Variants in DROSHA observed in about 807,000 individuals in gnomAD.
DROSHA encodes the protein ribonuclease 3.
DROSHA carries 56 observed loss-of-function variants against 181.9 expected under a neutral mutation model. The ratio of observed to expected loss-of-function variants is 0.31; its 90% CI spans 0.25 to 0.38. The LOEUF is 0.38. DROSHA is among the 10% of genes least tolerant of loss of function. DROSHA has a pLI of 1.00. For missense variants in DROSHA, 1,218 were observed against 1,743.5 expected (o/e 0.70, Z 5.37); for synonymous variants, 524 against 591.2 (o/e 0.89, Z 1.65).
chr5:31,483,424 C>T, intron 16 of DROSHA, 130 bp downstream of exon 16: 1 of 847,376 alleles, frequency 1.2e-6, no homozygotes, highest in Non-Finnish European at 1.9e-6. Context: ...CATTTCCGTG[C>T]CTAACCTGAG....
intron 11 of DROSHA, among the ~76,000 whole-genome samples, chr5:31,503,402 C>T (rs992142040): frequency 2.0e-5 from 3 of 152,198 alleles, no homozygotes; most frequent in African/African-American, 7.2e-5. Context: ...CCTACAGGTC[C>T]CTAGCTGGCA....
chr5:31,441,204 G>A (rs901285653), intron 23 of DROSHA, among the ~76,000 whole-genome samples: 15 of 151,932 alleles, frequency 9.9e-5, no homozygotes, highest in African/African-American at 3.1e-4. Context: ...TAGGCCAGAC[G>A]TTCAAGACCA....
At chr5:31,414,781 G>A (rs182158933) in intron 30 of DROSHA, among the ~76,000 whole-genome samples, 10 of 152,294 alleles carry the variant, frequency 6.6e-5, no homozygotes, top group Admixed American at 5.9e-4. Context: ...TGTTTTCAAT[G>A]TAAAATGTTT....
Position 31,409,586 on chromosome 5 carries a change from A to G in DROSHA, c.3668-254T>C, listed in dbSNP as rs1417558226. ...GCTAAGGGCTAAAGGAATAGCTTAA[A>G]AGGTACACAGAATGCCGCTGTATAT... On this transcript the variant is annotated intron_variant, in intron 31 of 35. Transcript: ENST00000344624. The surrounding 1 kb of genome is among the most constrained non-coding windows in gnomAD (Gnocchi z 4.0). 24 of 443,108 alleles carry G rather than the reference A, an allele frequency of 5.4e-5. No individual in the cohort carries two copies. Among genetic ancestry groups the G allele is most frequent in the Non-Finnish European group, 8.3e-6 (2 of 242,316 alleles). 27.4% of individuals were successfully genotyped at this position (443,108 alleles called of 1,614,324 possible). A position where few individuals can be genotyped will look rare whatever the true frequency, so the allele number is the denominator to read the frequency against.
chr5:31,498,104 G>T (rs1432023464), intron 11 of DROSHA, among the ~76,000 whole-genome samples: 3 of 152,170 alleles, frequency 2.0e-5, no homozygotes, highest in Non-Finnish European at 4.4e-5. Context: ...ACTTATGAAA[G>T]CTGCATCTGT....
chr5:31,431,696 A>G lies in DROSHA; in HGVS notation c.3043-18T>C. The G allele has an allele frequency of 6.2e-7, 1 of 1,613,262 alleles. No homozygotes were observed. The highest frequency in any genetic ancestry group is 1.3e-5 in the African/African-American group (1 of 75,048). ...TCAAGTTTCTACAAAATTCACAATG[A>G]CAAAACGTAAGAAAGAGTTTGCCAA... is the stretch of plus-strand genomic sequence containing the variant. On this transcript the variant is annotated intron_variant, in intron 25 of 35. Transcript: ENST00000344624.
chr5:31,501,732 A>AT (rs1483472557), intron 11 of DROSHA, among the ~76,000 whole-genome samples: 1 of 152,176 alleles, frequency 6.6e-6, no homozygotes, highest in Non-Finnish European at 1.5e-5. Context: ...GATTTGGTGA[A>AT]TGGGTTATTT....
chr5:31,484,649 T>C (rs1227174320), intron 15 of DROSHA, among the ~76,000 whole-genome samples: 1 of 152,192 alleles, frequency 6.6e-6, no homozygotes, highest in Non-Finnish European at 1.5e-5. Flanking sequence ...TGGTACCATC[T>C]TCAAGCCGCT....
intron 23 of DROSHA, among the ~76,000 whole-genome samples, chr5:31,439,384 T>C (rs1377440319): frequency 6.6e-6 from 1 of 152,198 alleles, no homozygotes; most frequent in African/African-American, 2.4e-5. Context: ...TGTCATAGTA[T>C]CTCAGTGCCT....
At chr5:31,489,152 C>A (rs994579185) in intron 13 of DROSHA, 1 of 152,060 alleles carries the variant, frequency 6.6e-6, no homozygotes, top group African/African-American at 2.4e-5. Context: ...TGGTGGGGAT[C>A]AGAATATGCA....
At chr5:31,459,496 G>A (rs544996898) in intron 20 of DROSHA, among the ~76,000 whole-genome samples, 106 of 150,174 alleles carry the variant, frequency 7.1e-4, no homozygotes, top group African/African-American at 2.3e-3. Context: ...GCAGCACTAC[G>A]CTCCAATTAA....
At chr5:31,436,583 T>C (rs113137685) in intron 24 of DROSHA, among the ~76,000 whole-genome samples, 58 of 152,142 alleles carry the variant, frequency 3.8e-4, no homozygotes, top group African/African-American at 1.4e-3. Flanking sequence ...AGTAGAGATG[T>C]GGTTTCGCCA....
intron 29 of DROSHA, chr5:31,421,638 G>A: frequency 5.3e-6 from 2 of 374,518 alleles, no homozygotes; most frequent in East Asian, 4.5e-5. Context: ...AACACTGCCT[G>A]GTCAGAAGCT....
At chr5:31,412,868 T>C (rs7731037) in intron 30 of DROSHA, among the ~76,000 whole-genome samples, 3 of 152,178 alleles carry the variant, frequency 2.0e-5, no homozygotes, top group African/African-American at 7.2e-5. Context: ...TTGGATTTCA[T>C]ATGGGGACGG....
intron 20 of DROSHA, among the ~76,000 whole-genome samples, chr5:31,463,308 A>C (rs1748612025): frequency 6.6e-6 from 1 of 152,206 alleles, no homozygotes; most frequent in South Asian, 2.1e-4. Context: ...CTTAGTAAAT[A>C]AATTGTGTAG....
At chr5:31,492,880 T>C (rs1184084368) in intron 13 of DROSHA, among the ~76,000 whole-genome samples, 1 of 152,260 alleles carries the variant, frequency 6.6e-6, no homozygotes, top group Non-Finnish European at 1.5e-5. Flanking sequence ...TAAAACTTTC[T>C]TTTGAAGGAC....
At position 31,493,453 on chromosome 5, in the gene DROSHA, G is replaced by A. The variant is rs139102122; in HGVS notation, c.1756-160C>T. ...AGTTTAATTTTACATGAAATTATCC[G>A]GCTTCAGATAGTAAGTATAATATTT... On this transcript the variant is annotated intron_variant, in intron 12 of 35. Coordinates refer to ENST00000344624, the MANE Select transcript of DROSHA (RefSeq NM_001382508.1). Among the ~76,000 whole-genome samples, 1,366 of 152,206 alleles carry A rather than the reference G, an allele frequency of 9.0e-3. 10 individuals are homozygous for A. The highest frequency in any genetic ancestry group is 0.012 in the Admixed American group (185 of 15,296).
chr5:31,435,936 A>C, intron 24 of DROSHA, 72 bp from the exon 25 acceptor site: 2 of 1,387,996 alleles, frequency 1.4e-6, no homozygotes, highest in African/African-American at 1.4e-5. Context: ...GAGTCACAGA[A>C]ACAGGGCTGG....
chr5:31,448,948 C>T (rs1318552969), intron 22 of DROSHA, among the ~76,000 whole-genome samples: 1 of 152,100 alleles, frequency 6.6e-6, no homozygotes, highest in Non-Finnish European at 1.5e-5. Flanking sequence ...GCCTGGCCAA[C>T]ATGGCAAAAC....
Sources: gnomAD v4.1 joint callset for allele counts (sites outside exome capture counted in the v4.1 genomes callset) on GRCh38, gnomAD v4.1.1 for gene constraint, Gnocchi (gnomAD v3.1) non-coding constraint, MANE v1.5 for transcripts, NCBI Gene and HGNC (gene_info 2026-07-23, HGNC 2026-07-21) for gene names.